The following UGGT1 variants were observed in gnomAD, a reference collection of about 807,000 sequenced individuals.
The protein encoded by UGGT1 is UDP-glucose glycoprotein glucosyltransferase 1, also known as UDP-glucose:glycoprotein glucosyltransferase 1.
A neutral mutation model predicts 203.9 loss-of-function variants in UGGT1; 107 were observed. The ratio of observed to expected loss-of-function variants is 0.52; its 90% CI spans 0.45 to 0.62. The LOEUF (loss-of-function observed/expected upper bound fraction) is 0.62, where lower values mean the gene tolerates loss of function less well. Among genes scored for constraint, UGGT1 ranks in the 20% least tolerant of loss-of-function variants. The probability of loss-of-function intolerance (pLI) is 0.00; values close to 1 mark genes in which losing one functional copy is unlikely to be tolerated. For missense variants in UGGT1, 1,673 were observed against 1,867.2 expected, an observed-to-expected ratio of 0.90 and a Z score of 1.92; for synonymous variants, 628 against 653.5, an observed-to-expected ratio of 0.96 and a Z score of 0.59.
rs1686840590 is a variant in UGGT1, at chr2:128,091,247, A to G, written c.-111A>G. ...GCTGGGTGTTGAGTCGAGCCGCGGG[A>G]AAGGCGCGTGTCGGCCTCTCACTGG... is the stretch of plus-strand genomic sequence containing the variant. On this transcript the variant is annotated 5_prime_UTR_variant, in exon 1 of 41. Transcript: ENST00000259253. 8.2e-7 allele frequency: 1 copy of G among 1,214,786 alleles called. No individual in the cohort carries two copies. Among genetic ancestry groups the G allele is most frequent in the Non-Finnish European group, 1.1e-6 (1 of 903,862 alleles). 75.3% of individuals were successfully genotyped at this position (1,214,786 alleles called of 1,614,324 possible). A position where few individuals can be genotyped will look rare whatever the true frequency, so the allele number is the denominator to read the frequency against.
intron 5 of UGGT1, among the ~76,000 whole-genome samples, chr2:128,110,133 TCAGA>T (rs1687778935): frequency 6.6e-6 from 1 of 152,194 alleles, no homozygotes; most frequent in Non-Finnish European, 1.5e-5. Flanking sequence ...ATTATTAGTT[TCAGA>T]CAAAGGAGGA....
In UGGT1 at chr2:128,091,509, C is replaced by T. The variant is rs777936387; in HGVS notation, c.58+94C>T. ...CCCCTGTCACATTGAGCTTCCGCCT[C>T]TACCGTGACTCAGTTTACCCTCTGG... On this transcript the variant is annotated intron_variant, in intron 1 of 40. Coordinates refer to ENST00000259253, the MANE Select transcript of UGGT1 (RefSeq NM_020120.4). 3.3e-6 allele frequency: 5 copies of T among 1,499,172 alleles called. No homozygotes were observed. The Admixed American group carries it at 8.7e-5, about 26-fold the overall frequency. The allele number at this position is 1,499,172 out of a possible 1,614,324, so 92.9% of individuals were successfully genotyped here. A position where few individuals can be genotyped will look rare whatever the true frequency, so the allele number is the denominator to read the frequency against.
chr2:128,133,610 G>A (rs1158554860), intron 14 of UGGT1, among the ~76,000 whole-genome samples: 1 of 151,596 alleles, frequency 6.6e-6, no homozygotes, highest in Admixed American at 6.6e-5. Flanking sequence ...GATTGAATAA[G>A]TTTCCTTTTC....
rs1235103594 is a variant in UGGT1 at position 128,183,808 on chromosome 2, T to C, written c.4359+19T>C. On this transcript the variant is annotated intron_variant, in intron 38 of 40. Transcript: ENST00000259253. ...TGATCAAGTAAGTGTCCATTTTTTA[T>C]GGTTAACTGTGAGTGACGGGTATAC... 1.3e-6 allele frequency: 2 copies of C among 1,581,570 alleles called. No individual in the cohort carries two copies. The highest frequency in any genetic ancestry group is 1.7e-6 in the Non-Finnish European group (2 of 1,150,536).
intron 7 of UGGT1, 109 bp downstream of exon 7, chr2:128,115,329 G>C (rs960729319): frequency 1.0e-6 from 1 of 963,918 alleles, no homozygotes; most frequent in Non-Finnish European, 1.6e-6. Context: ...ACCTGTGTTT[G>C]CATCCTGGTT....
At chr2:128,168,218 C>T (rs1472648790) in intron 26 of UGGT1, among the ~76,000 whole-genome samples, 6 of 152,164 alleles carry the variant, frequency 3.9e-5, no homozygotes, top group Non-Finnish European at 8.8e-5. Context: ...CACAAATGCC[C>T]AGGGGAAGCT....
chr2:128,173,235 ATAT>A (rs1648168371), intron 29 of UGGT1, among the ~76,000 whole-genome samples: 1 of 152,198 alleles, frequency 6.6e-6, no homozygotes, highest in East Asian at 1.9e-4. Flanking sequence ...TTGCCAGATA[ATAT>A]TTTATTTATG....
intron 26 of UGGT1, among the ~76,000 whole-genome samples, chr2:128,167,007 G>T (rs1487557972): frequency 6.6e-6 from 1 of 152,180 alleles, no homozygotes; most frequent in East Asian, 1.9e-4. Flanking sequence ...CACTGGTTGT[G>T]TGTCCTAATT....
At chr2:128,151,334 G>T in intron 18 of UGGT1, 1 of 545,670 alleles carries the variant, frequency 1.8e-6, no homozygotes, top group Non-Finnish European at 3.4e-6. Context: ...CATGGCGCCT[G>T]CCACGCCTTC....
chr2:128,184,001 CAT>C (rs1161425131), intron 38 of UGGT1, among the ~76,000 whole-genome samples: 2 of 151,124 alleles, frequency 1.3e-5, no homozygotes, highest in African/African-American at 4.9e-5. Context: ...TGAAAAATGT[CAT>C]AGATTTGATG....
At chr2:128,094,948 C>T (rs1225783723) in intron 1 of UGGT1, among the ~76,000 whole-genome samples, 1 of 151,870 alleles carries the variant, frequency 6.6e-6, no homozygotes, top group East Asian at 1.9e-4. Context: ...GGGGTTTCAC[C>T]ACATTGGACA....
Position 128,178,462 on chromosome 2 carries a change from T to C in UGGT1, c.3714-6T>C, listed in dbSNP as rs563310541. On this transcript the variant is annotated splice_region_variant and splice_polypyrimidine_tract_variant and intron_variant, in intron 33 of 40. Transcript: ENST00000259253. ...AGTGGTCTTTTTTTTACCCTTATTG[T>C]TATAGGGGCTTTACAGGACAGAAGA... The C allele has an allele frequency of 6.2e-7, 1 of 1,608,616 alleles. No homozygotes were observed. The highest frequency in any genetic ancestry group is 2.2e-5 in the East Asian group (1 of 44,858).
At chr2:128,112,983 A>T (rs1401628039) in intron 5 of UGGT1, 101 bp from the exon 6 acceptor site, 19 of 1,113,264 alleles carry the variant, frequency 1.7e-5, no homozygotes, top group Non-Finnish European at 2.3e-5. Flanking sequence ...AGATGCTTAT[A>T]ATCTTTATTT....
chr2:128,113,356 G>C, intron 6 of UGGT1, 98 bp downstream of exon 6: 1 of 1,029,534 alleles, frequency 9.7e-7, no homozygotes. Context: ...AAAAAATCTA[G>C]TTATTTGAAT....
In UGGT1 at chr2:128,145,893, C is replaced by T; in HGVS notation, c.1942C>T (p.Pro648Ser). The change falls in exon 18 of 41, where the codon CCT (proline) becomes TCT (serine). Residue 648 changes from proline to serine, a missense_variant. Coordinates refer to ENST00000259253, the MANE Select transcript of UGGT1 (RefSeq NM_020120.4). ...GCCCTTTGAAAGGGAACAGCTAGACCCTGATGAGTTAGAAACCATCACAAT... is the reference window on the plus strand; with the variant it reads ...GCCCTTTGAAAGGGAACAGCTAGACTCTGATGAGTTAGAAACCATCACAAT... Reference protein sequence around the residue: ...GMPFEREQLDPDELETITMHK... With the variant: ...GMPFEREQLDSDELETITMHK... The T allele has an allele frequency of 6.2e-7, 1 of 1,614,094 alleles. No individual in the cohort carries two copies. The highest frequency in any genetic ancestry group is 8.5e-7 in the Non-Finnish European group (1 of 1,180,008).
At chr2:128,121,166 A>T in intron 9 of UGGT1, 33 bp from the exon 10 acceptor site, 1 of 1,601,136 alleles carries the variant, frequency 6.2e-7, no homozygotes, top group Non-Finnish European at 8.6e-7. Flanking sequence ...CATTAGATTA[A>T]TCCACTTTTA....
rs1473135062 is a variant in UGGT1, at chr2:128,176,796, C to A, written c.3540-18C>A. 2.5e-6 allele frequency: 4 copies of A among 1,611,148 alleles called. No homozygotes were observed. The highest frequency in any genetic ancestry group is 1.7e-4 in the Middle Eastern group (1 of 6,040). On this transcript the variant is annotated intron_variant, in intron 31 of 40. Transcript: ENST00000259253. ...GAGAATTGTGCCTTGTAATATTGAT[C>A]TTTCTTTTCTCGCAAAGCCACGATG...
chr2:128,150,667 A>ATTTT lies in UGGT1; in HGVS notation c.2017-2117_2017-2116insTTTT, dbSNP rs1323338869. Among the ~76,000 whole-genome samples the ATTTT allele has an allele frequency of 6.1e-3, 290 of 47,814 alleles. 1 individual carries two copies. Among genetic ancestry groups the ATTTT allele is most frequent in the Admixed American group, 0.013 (42 of 3,338 alleles). 31.4% of individuals were successfully genotyped at this position (47,814 alleles called of 152,430 possible). ...AATTATTTATTTTTTTTAATTAATA[A>ATTTT]CTTTTTTTTTTTTTTTTACAAATGT... On this transcript the variant is annotated intron_variant, in intron 18 of 40. Transcript: ENST00000259253.
In UGGT1 at chr2:128,172,717, A is replaced by G. The variant is rs752637963; in HGVS notation, c.3249A>G (p.Glu1083=). 6.2e-7 allele frequency: 1 copy of G among 1,614,172 alleles called. No homozygotes were observed. The highest frequency in any genetic ancestry group is 1.7e-5 in the Admixed American group (1 of 60,020). Residue 1083 remains glutamate, a synonymous_variant, in exon 29 of 41, where the codon GAA becomes GAG. Transcript: ENST00000259253. ...ACACACCTGAGAGCTGGATGGTAGA[A>G]TCTGTCAGAACACCATATGATCTTG... The part of the protein sequence containing the change: ...NLNTPESWMV[E]SVRTPYDLDN...
Sources: allele counts gnomAD v4.1 joint callset (sites outside exome capture counted in the v4.1 genomes callset), GRCh38; gene constraint gnomAD v4.1.1; transcripts MANE v1.5; gene names NCBI Gene and HGNC (gene_info 2026-07-23, HGNC 2026-07-21).